TCF4: variants seen among roughly 807,000 people sequenced by gnomAD.
TCF4 encodes the protein transcription factor 4.
In TCF4, 3 loss-of-function variants were observed where a neutral mutation model predicts 82.1. The ratio of observed to expected loss-of-function variants is 0.04; its 90% confidence interval spans 0.02 to 0.09. The LOEUF (loss-of-function observed/expected upper bound fraction) is 0.09. Ranked by LOEUF, TCF4 falls within the 10% of genes least tolerant of loss-of-function variation. The probability of loss-of-function intolerance (pLI) is 1.00; values close to 1 mark genes in which losing one functional copy is unlikely to be tolerated. For missense variants in TCF4, 518 were observed against 852.7 expected, an observed-to-expected ratio of 0.61 and a Z score of 4.89; for synonymous variants, 276 against 309.6, an observed-to-expected ratio of 0.89 and a Z score of 1.14.
At chr18:55,235,038 A>G (rs1461135939) in intron 15 of TCF4, among the ~76,000 whole-genome samples, 1 of 152,166 alleles carries the variant, frequency 6.6e-6, no homozygotes, top group Non-Finnish European at 1.5e-5. Flanking sequence ...CATATGCTTA[A>G]TTGTGAGCTT....
At chr18:55,514,312 T>C (rs2096857439) in intron 3 of TCF4, among the ~76,000 whole-genome samples, 1 of 152,080 alleles carries the variant, frequency 6.6e-6, no homozygotes, top group Non-Finnish European at 1.5e-5. Context: ...GTTTACTTCC[T>C]GACAGTGACT....
At chr18:55,613,808 T>G (rs2097709372) in intron 2 of TCF4, among the ~76,000 whole-genome samples, 5 of 152,190 alleles carry the variant, frequency 3.3e-5, no homozygotes, top group Admixed American at 3.3e-4. Context: ...GGAATTAAAA[T>G]TTGACATGAG....
chr18:55,362,579 C>T (rs2085754354), intron 6 of TCF4, among the ~76,000 whole-genome samples: 1 of 152,134 alleles, frequency 6.6e-6, no homozygotes, highest in Admixed American at 6.5e-5. Flanking sequence ...AACGGGCCTC[C>T]AATCATTTGG....
intron 3 of TCF4, among the ~76,000 whole-genome samples, chr18:55,566,128 G>A (rs2097404206): frequency 6.6e-6 from 1 of 152,120 alleles, no homozygotes; most frequent in Non-Finnish European, 1.5e-5. Flanking sequence ...CAGGAGAATG[G>A]TGTGAACCAG....
At chr18:55,324,248 A>G (rs1301026859) in intron 8 of TCF4, among the ~76,000 whole-genome samples, 7 of 152,228 alleles carry the variant, frequency 4.6e-5, no homozygotes, top group Non-Finnish European at 1.0e-4. Flanking sequence ...TAAAGATATA[A>G]TGCTTTGAAA....
At chr18:55,431,084 T>C (rs1192202188) in intron 5 of TCF4, among the ~76,000 whole-genome samples, 1 of 152,162 alleles carries the variant, frequency 6.6e-6, no homozygotes, top group Non-Finnish European at 1.5e-5. Flanking sequence ...AGCTGAAAGA[T>C]GCAAATGCAG....
Position 55,234,693 on chromosome 18 carries a change from C to T in TCF4, c.1351-10G>A. On this transcript the variant is annotated splice_polypyrimidine_tract_variant and intron_variant, in intron 15 of 19. Coordinates refer to ENST00000354452, the MANE Select transcript of TCF4 (RefSeq NM_001083962.2). ...CACGATGGGTCCCCACCTGAAAGGG[C>T]GAGAGGAACCAGAGAGGTGAGCAGG... is the stretch of plus-strand genomic sequence containing the variant. 1 of 1,614,026 alleles carries T rather than the reference C, an allele frequency of 6.2e-7. No individual in the cohort carries two copies. The highest frequency in any genetic ancestry group is 1.1e-5 in the South Asian group (1 of 91,076).
At chr18:55,594,535 G>C (rs1301991068) in intron 2 of TCF4, among the ~76,000 whole-genome samples, 3 of 152,172 alleles carry the variant, frequency 2.0e-5, no homozygotes, top group African/African-American at 7.2e-5. Context: ...ACCCTAAAAA[G>C]TGCAGCTTTC....
At chr18:55,257,991 G>T (rs1366564118) in intron 13 of TCF4, among the ~76,000 whole-genome samples, 2 of 152,046 alleles carry the variant, frequency 1.3e-5, no homozygotes, top group Non-Finnish European at 2.9e-5. Context: ...ATTGCTGTTA[G>T]AATACATATT....
At chr18:55,635,677 A>C in intron 1 of TCF4, 2 of 1,540,468 alleles carry the variant, frequency 1.3e-6, no homozygotes, top group African/African-American at 1.4e-5. Context: ...CTAAGATGCT[A>C]AAGTAGCCCA....
intron 3 of TCF4, among the ~76,000 whole-genome samples, chr18:55,566,511 T>A (rs2097408346): frequency 6.6e-6 from 1 of 151,604 alleles, no homozygotes; most frequent in East Asian, 1.9e-4. Context: ...GAACAAGAAA[T>A]AAGAAAGTAT....
intron 3 of TCF4, among the ~76,000 whole-genome samples, chr18:55,545,196 T>G (rs147789877): frequency 6.6e-4 from 101 of 152,330 alleles, no homozygotes; most frequent in Middle Eastern, 3.4e-3. Flanking sequence ...AAGACTGACT[T>G]ACAATATGGA....
chr18:55,525,903 A>G (rs190897892), intron 3 of TCF4, among the ~76,000 whole-genome samples: 3 of 152,332 alleles, frequency 2.0e-5, no homozygotes, highest in Admixed American at 6.5e-5. Context: ...ACAAGGTGGT[A>G]GTCATTATTA....
intron 5 of TCF4, among the ~76,000 whole-genome samples, chr18:55,418,089 T>C (rs1250825097): frequency 6.6e-6 from 1 of 151,740 alleles, no homozygotes; most frequent in Non-Finnish European, 1.5e-5. Flanking sequence ...ATAATGATTA[T>C]CGTTTAAGTA....
At chr18:55,266,681 G>A (rs1373880283) in intron 11 of TCF4, 2 of 151,754 alleles carry the variant, frequency 1.3e-5, no homozygotes, top group African/African-American at 4.8e-5. Flanking sequence ...TCTCATTAAT[G>A]TAATCCAAGT....
At chr18:55,241,066 T>A (rs1232611257) in intron 15 of TCF4, among the ~76,000 whole-genome samples, 1 of 152,214 alleles carries the variant, frequency 6.6e-6, no homozygotes, top group African/African-American at 2.4e-5. Flanking sequence ...ATCTAAATGA[T>A]CCTGACCTTG....
chr18:55,466,069 G>C (rs1411504154), intron 3 of TCF4, among the ~76,000 whole-genome samples: 1 of 152,216 alleles, frequency 6.6e-6, no homozygotes, highest in African/African-American at 2.4e-5. Flanking sequence ...GCATCCCAAA[G>C]GACATTTGGC....
At chr18:55,241,954 CCCT>C (rs2051375147) in intron 15 of TCF4, among the ~76,000 whole-genome samples, 1 of 152,126 alleles carries the variant, frequency 6.6e-6, no homozygotes, top group East Asian at 1.9e-4. Flanking sequence ...CAATGCAGTT[CCCT>C]CCTATTTTTA....
intron 3 of TCF4, among the ~76,000 whole-genome samples, chr18:55,543,279 T>C (rs1427704190): frequency 6.6e-6 from 1 of 152,032 alleles, no homozygotes; most frequent in Non-Finnish European, 1.5e-5. Context: ...TTTTCTTAGA[T>C]GCAAAATGGG....
Sources: allele counts gnomAD v4.1 joint callset (sites outside exome capture counted in the v4.1 genomes callset), GRCh38; gene constraint gnomAD v4.1.1; transcripts MANE v1.5; gene names NCBI Gene and HGNC (gene_info 2026-07-23, HGNC 2026-07-21).